Variants in QTMAN observed in about 807,000 individuals in gnomAD.
The protein encoded by QTMAN is queuosine-tRNA mannosyltransferase, also known as tRNA-queuosine alpha-mannosyltransferase.
chr2:144,230,930 C>T, the QTMAN span, among the ~76,000 whole-genome samples: 1 of 152,112 alleles, frequency 6.6e-6, no homozygotes, highest in African/African-American at 2.4e-5. Context: ...ACACTATCAG[C>T]AGCTTAAAAT....
the QTMAN span, among the ~76,000 whole-genome samples, chr2:144,075,043 A>C: frequency 1.3e-5 from 2 of 152,228 alleles, no homozygotes; most frequent in Non-Finnish European, 2.9e-5. Context: ...TGAGGAGGTA[A>C]GCAATACGGA....
the QTMAN span, among the ~76,000 whole-genome samples, chr2:144,103,946 C>T: frequency 6.6e-6 from 1 of 152,024 alleles, no homozygotes; most frequent in Non-Finnish European, 1.5e-5. Context: ...AAAAATTAGC[C>T]AGGTGTGGTG....
the QTMAN span, chr2:144,145,868 G>T: frequency 1.6e-6 from 1 of 615,076 alleles, no homozygotes; most frequent in South Asian, 2.5e-5. Flanking sequence ...ATCAATAGTT[G>T]AGGCTTAATA....
the QTMAN span, among the ~76,000 whole-genome samples, chr2:144,223,957 G>T: frequency 5.9e-5 from 9 of 152,202 alleles, no homozygotes; most frequent in Middle Eastern, 3.4e-3. Flanking sequence ...AATGTACAAC[G>T]TACAGCAACA....
At chr2:144,266,283 T>C in the QTMAN span, among the ~76,000 whole-genome samples, 3 of 152,168 alleles carry the variant, frequency 2.0e-5, no homozygotes, top group Admixed American at 6.5e-5. Flanking sequence ...AGTAAGTTCT[T>C]AGAAAGAGGG....
the QTMAN span, among the ~76,000 whole-genome samples, chr2:144,050,406 T>TA: frequency 1.3e-5 from 2 of 152,148 alleles, no homozygotes; most frequent in Non-Finnish European, 2.9e-5. Flanking sequence ...TCAGCTGCCT[T>TA]ACTAGGTAAT....
the QTMAN span, among the ~76,000 whole-genome samples, chr2:144,061,337 G>C: frequency 6.6e-6 from 1 of 151,944 alleles, no homozygotes; most frequent in African/African-American, 2.4e-5. Flanking sequence ...TTCTCTTCTG[G>C]GCAAAGCTAC....
At chr2:144,181,171 T>C in the QTMAN span, among the ~76,000 whole-genome samples, 3 of 152,210 alleles carry the variant, frequency 2.0e-5, no homozygotes, top group African/African-American at 4.8e-5. Context: ...GGAATCTTTA[T>C]AAACACATTT....
chr2:143,988,079 T>C, the QTMAN span, among the ~76,000 whole-genome samples: 2 of 152,190 alleles, frequency 1.3e-5, no homozygotes, highest in African/African-American at 2.4e-5. Flanking sequence ...GGCACTCCTG[T>C]GGCCACCAAG....
the QTMAN span, among the ~76,000 whole-genome samples, chr2:144,269,701 T>A: frequency 5.3e-5 from 8 of 152,034 alleles, no homozygotes; most frequent in Non-Finnish European, 1.0e-4. Context: ...AAATCCAAAT[T>A]TCCCTGATTC....
At chr2:144,313,762 C>T in the QTMAN span, among the ~76,000 whole-genome samples, 1 of 150,806 alleles carries the variant, frequency 6.6e-6, no homozygotes, top group Non-Finnish European at 1.5e-5. Flanking sequence ...CTTAATCAAT[C>T]TTATTATCAT....
At chr2:143,984,331 GAACA>G in the QTMAN span, among the ~76,000 whole-genome samples, 1 of 152,144 alleles carries the variant, frequency 6.6e-6, no homozygotes, top group African/African-American at 2.4e-5. Flanking sequence ...AGATAATGAA[GAACA>G]AATAGATGTG....
At chr2:144,002,613 A>G in the QTMAN span, among the ~76,000 whole-genome samples, 1 of 152,026 alleles carries the variant, frequency 6.6e-6, no homozygotes, top group Non-Finnish European at 1.5e-5. Context: ...ATTTTTTAAA[A>G]TTGTATAATG....
the QTMAN span, among the ~76,000 whole-genome samples, chr2:144,048,917 C>A: frequency 1.3e-5 from 2 of 152,136 alleles, no homozygotes; most frequent in African/African-American, 4.8e-5. Context: ...GATGAGGTAG[C>A]TAAATCTTCA....
chr2:144,218,937 A>T, the QTMAN span, among the ~76,000 whole-genome samples: 1 of 147,658 alleles, frequency 6.8e-6, no homozygotes, highest in Non-Finnish European at 1.5e-5. Flanking sequence ...AAAAAAAAAA[A>T]GCAAAATCCT....
At chr2:144,037,331 T>C in the QTMAN span, among the ~76,000 whole-genome samples, 2 of 152,222 alleles carry the variant, frequency 1.3e-5, no homozygotes, top group Non-Finnish European at 2.9e-5. Context: ...AACAATTAAG[T>C]GGTAAATATT....
chr2:144,154,978 T>G, the QTMAN span, among the ~76,000 whole-genome samples: 1 of 152,194 alleles, frequency 6.6e-6, no homozygotes, highest in Non-Finnish European at 1.5e-5. Context: ...TAAAACTGGT[T>G]AACTTTCCAT....
At chr2:143,969,494 A>G in the QTMAN span, among the ~76,000 whole-genome samples, 2 of 152,234 alleles carry the variant, frequency 1.3e-5, no homozygotes, top group Non-Finnish European at 2.9e-5. Context: ...CAACAGATAC[A>G]GTACCTGTCC....
the QTMAN span, among the ~76,000 whole-genome samples, chr2:144,020,339 G>A: frequency 1.3e-5 from 2 of 152,174 alleles, no homozygotes; most frequent in African/African-American, 4.8e-5. Context: ...CAGACACACA[G>A]GCGGCTGAAT....
Sources: allele counts gnomAD v4.1 joint callset (sites outside exome capture counted in the v4.1 genomes callset), GRCh38; gene constraint gnomAD v4.1.1; transcripts MANE v1.5; gene names NCBI Gene and HGNC (gene_info 2026-07-23, HGNC 2026-07-21).